NPNT: variants seen among roughly 807,000 people sequenced by gnomAD.
NPNT encodes preosteoblast EGF-like repeat protein with MAM domain.
In NPNT, 45 loss-of-function variants were observed where a neutral mutation model predicts 68.6. That is an observed-to-expected ratio of 0.66 (90% CI 0.52 to 0.84). The LOEUF is 0.84. NPNT is among the 40% of genes least tolerant of loss of function. The probability of loss-of-function intolerance (pLI) is 0.00; values close to 1 mark genes in which losing one functional copy is unlikely to be tolerated. For missense variants in NPNT, 672 were observed against 714.8 expected (o/e 0.94, Z 0.68); for synonymous variants, 233 against 253.3 (o/e 0.92, Z 0.76).
intron 8 of NPNT, among the ~76,000 whole-genome samples, chr4:105,950,870 G>A (rs1730776313): frequency 6.6e-6 from 1 of 152,304 alleles, no homozygotes; most frequent in Admixed American, 6.5e-5. Flanking sequence ...CGATCTGCCT[G>A]CCTCAGCCAC....
At chr4:105,897,348 TG>T (rs1429290367) in intron 1 of NPNT, among the ~76,000 whole-genome samples, 3 of 152,238 alleles carry the variant, frequency 2.0e-5, no homozygotes, top group African/African-American at 7.2e-5. Context: ...AGTACTTTTT[TG>T]TTTTTTTTGT....
intron 2 of NPNT, among the ~76,000 whole-genome samples, chr4:105,899,130 C>T (rs1726194862): frequency 6.6e-6 from 1 of 152,128 alleles, no homozygotes; most frequent in Non-Finnish European, 1.5e-5. Context: ...AGGATGCTTG[C>T]AATGTCTTCC....
intron 2 of NPNT, among the ~76,000 whole-genome samples, chr4:105,911,339 T>C (rs1484497851): frequency 6.6e-6 from 1 of 152,144 alleles, no homozygotes; most frequent in African/African-American, 2.4e-5. Flanking sequence ...TTTCTTCTTA[T>C]ATTACCCAAA....
At position 105,970,041 on chromosome 4, in the gene NPNT, A is replaced by G. The variant is rs1386420103; in HGVS notation, c.*1051A>G. 1.6e-5 allele frequency: 3 copies of G among 193,316 alleles called. No homozygotes were observed. The highest frequency in any genetic ancestry group is 3.2e-5 in the Non-Finnish European group (3 of 94,318). 12.0% of individuals were successfully genotyped at this position (193,316 alleles called of 1,614,324 possible). A position where few individuals can be genotyped will look rare whatever the true frequency, so the allele number is the denominator to read the frequency against. ...CCTGTTGCAGAGTGAGAGGAAGCATAGGGGGAAACTCCATTGGAACAGATT... is the reference window on the plus strand; with the variant it reads ...CCTGTTGCAGAGTGAGAGGAAGCATGGGGGGAAACTCCATTGGAACAGATT... On this transcript the variant is annotated 3_prime_UTR_variant, in exon 12 of 12. Coordinates refer to ENST00000379987, the MANE Select transcript of NPNT (RefSeq NM_001033047.3).
intron 2 of NPNT, among the ~76,000 whole-genome samples, chr4:105,903,328 A>G (rs1166064256): frequency 2.0e-5 from 3 of 152,222 alleles, no homozygotes; most frequent in Non-Finnish European, 4.4e-5. Context: ...GTGAAGCTCA[A>G]TGATTCTATG....
intron 2 of NPNT, among the ~76,000 whole-genome samples, chr4:105,922,240 C>A (rs1449415543): frequency 1.3e-5 from 2 of 151,912 alleles, no homozygotes; most frequent in Non-Finnish European, 2.9e-5. Context: ...GCACTTTACT[C>A]CCAGCATGAT....
intron 8 of NPNT, among the ~76,000 whole-genome samples, chr4:105,952,687 C>T (rs1244259482): frequency 6.6e-6 from 1 of 152,216 alleles, no homozygotes; most frequent in African/African-American, 2.4e-5. Flanking sequence ...TTAATTCAGA[C>T]TTCCTATGGG....
At chr4:105,935,983 G>T (rs1190354454) in intron 3 of NPNT, among the ~76,000 whole-genome samples, 1 of 152,094 alleles carries the variant, frequency 6.6e-6, no homozygotes, top group Non-Finnish European at 1.5e-5. Flanking sequence ...TGCTAAATGG[G>T]TACTTATGCT....
chr4:105,903,748 T>C (rs1726625357), intron 2 of NPNT, among the ~76,000 whole-genome samples: 1 of 151,842 alleles, frequency 6.6e-6, no homozygotes, highest in Admixed American at 6.6e-5. Context: ...TTCTTAACTG[T>C]ACATGTTGAA....
chr4:105,967,764 G>T (rs1183235363), intron 11 of NPNT, among the ~76,000 whole-genome samples: 3 of 151,972 alleles, frequency 2.0e-5, no homozygotes, highest in African/African-American at 7.3e-5. Flanking sequence ...ACTTCCAAGG[G>T]TGGGGTGGTG....
At chr4:105,905,041 C>A (rs1289938242) in intron 2 of NPNT, among the ~76,000 whole-genome samples, 1 of 151,670 alleles carries the variant, frequency 6.6e-6, no homozygotes, top group African/African-American at 2.4e-5. Flanking sequence ...CGGCCATTAG[C>A]CATAATTTTT....
intron 5 of NPNT, 95 bp downstream of exon 5, chr4:105,938,515 C>A: frequency 8.1e-7 from 1 of 1,235,536 alleles, no homozygotes; most frequent in Non-Finnish European, 1.1e-6. Flanking sequence ...AAGGCAATTA[C>A]TTACATCAGA....
intron 6 of NPNT, 109 bp downstream of exon 6, chr4:105,940,318 A>C: frequency 8.5e-7 from 1 of 1,181,802 alleles, no homozygotes; most frequent in South Asian, 1.3e-5. Flanking sequence ...TACTGGCGTT[A>C]AGTTAAACCA....
intron 8 of NPNT, among the ~76,000 whole-genome samples, chr4:105,946,900 C>A (rs1730432714): frequency 6.6e-6 from 1 of 152,070 alleles, no homozygotes; most frequent in African/African-American, 2.4e-5. Context: ...CTGGTCTGAC[C>A]TCAAACCTAC....
At chr4:105,963,258 T>G (rs575990449) in intron 10 of NPNT, among the ~76,000 whole-genome samples, 18 of 152,244 alleles carry the variant, frequency 1.2e-4, no homozygotes, top group African/African-American at 4.3e-4. Flanking sequence ...CTGTGTATTA[T>G]TCTAATTACC....
rs927530974 is a variant in NPNT at position 105,898,433 on chromosome 4, C to T, written c.172+432C>T. ...ATGGGGATAAGATAATGAGTCTAGA[C>T]CGTATTTACACTGGGGATAAGATAA... On this transcript the variant is annotated intron_variant, in intron 2 of 11. Transcript: ENST00000379987. Among the ~76,000 whole-genome samples, 9 of 145,698 alleles carry T rather than the reference C, an allele frequency of 6.2e-5. No homozygotes were observed. The South Asian group carries it at 2.0e-3, about 33-fold the overall frequency.
At chr4:105,936,948 G>A in intron 3 of NPNT, 61 bp from the exon 4 acceptor site, 1 of 1,519,274 alleles carries the variant, frequency 6.6e-7, no homozygotes, top group East Asian at 2.4e-5. Context: ...AAGAATTTTA[G>A]ATGGCTTACA....
intron 8 of NPNT, among the ~76,000 whole-genome samples, chr4:105,951,660 C>T (rs1221421131): frequency 6.6e-6 from 1 of 152,106 alleles, no homozygotes; most frequent in Admixed American, 6.5e-5. Context: ...TTTGAAGGAG[C>T]GAATTGTCAC....
rs185716893 is a variant in NPNT at position 105,927,802 on chromosome 4, A to G, written c.265+374A>G. ...CTTCCCTTTAATGCCAAAGTCAAGT[A>G]GGGGATTTGATTTGAAATTTGGAGT... is the stretch of plus-strand genomic sequence containing the variant. On this transcript the variant is annotated intron_variant, in intron 3 of 11. Coordinates refer to ENST00000379987, the MANE Select transcript of NPNT (RefSeq NM_001033047.3). Among the ~76,000 whole-genome samples, 14 of 152,282 alleles carry G rather than the reference A, an allele frequency of 9.2e-5. No individual in the cohort carries two copies. In the East Asian group the frequency reaches 2.3e-3, roughly 25 times the overall value.
Sources: gnomAD v4.1 joint callset for allele counts (sites outside exome capture counted in the v4.1 genomes callset) on GRCh38, gnomAD v4.1.1 for gene constraint, MANE v1.5 for transcripts, NCBI Gene and HGNC (gene_info 2026-07-23, HGNC 2026-07-21) for gene names.